PPP6R3: variants seen among roughly 807,000 people sequenced by gnomAD.
The protein encoded by PPP6R3 is protein phosphatase 6 regulatory subunit 3.
Under a neutral mutation model 110.7 loss-of-function variants are expected in PPP6R3, and 38 were observed. The observed-to-expected ratio is 0.34, with a 90% CI of 0.26 to 0.45. PPP6R3 has a LOEUF of 0.45. Ranked by LOEUF, PPP6R3 falls within the 20% of genes least tolerant of loss-of-function variation. The pLI is 1.00. For synonymous variants in PPP6R3, 369 were observed against 373.5 expected (o/e 0.99, Z 0.14); for missense variants, 870 against 1,062.4 (o/e 0.82, Z 2.52).
At chr11:68,482,222 CAA>C (rs35130397) in intron 1 of PPP6R3, among the ~76,000 whole-genome samples, 107 of 86,996 alleles carry the variant, frequency 1.2e-3, no homozygotes, top group African/African-American at 3.0e-3. Context: ...CCCATCTCTC[CAA>C]AAAAAAAAAA....
At chr11:68,563,907 C>CA (rs1323425356) in intron 8 of PPP6R3, among the ~76,000 whole-genome samples, 1 of 152,128 alleles carries the variant, frequency 6.6e-6, no homozygotes, top group Non-Finnish European at 1.5e-5. Context: ...CTGTATGGAA[C>CA]AAGTATAGGC....
chr11:68,569,822 A>G lies in PPP6R3; in HGVS notation c.1203A>G (p.Ala401=), dbSNP rs1371232924. 6.2e-7 allele frequency: 1 copy of G among 1,611,808 alleles called. No homozygotes were observed. The highest frequency in any genetic ancestry group is 1.7e-5 in the Admixed American group (1 of 59,946). Residue 401 remains alanine (A), a synonymous_variant, in exon 11 of 24, where the codon GCA becomes GCG. Transcript: ENST00000393800. ...QVEICIALIL[A]SPFENTENAT... ...AAATTTGTATTGCACTGATTCTTGC[A>G]AGTCCTTTTGAAAACACAGAAAATG...
chr11:68,500,972 T>C (rs953127803), intron 1 of PPP6R3, among the ~76,000 whole-genome samples: 7 of 152,204 alleles, frequency 4.6e-5, no homozygotes, highest in African/African-American at 1.4e-4. Flanking sequence ...TTTCTGTGTG[T>C]ACGGGAGGCC....
Position 68,460,772 on chromosome 11 carries a change from C to G in PPP6R3, c.-213C>G, listed in dbSNP as rs949072110. Reference sequence around the variant, plus strand: ...ATTTTGGGCGCTTCGCTGATGGTGTCGGTGAGCGCGTTTCCCGCCTGAGCG... The same window carrying G: ...ATTTTGGGCGCTTCGCTGATGGTGTGGGTGAGCGCGTTTCCCGCCTGAGCG... On this transcript the variant is annotated 5_prime_UTR_variant, in exon 1 of 24. Coordinates refer to ENST00000393800, the MANE Select transcript of PPP6R3 (RefSeq NM_001164161.2). The G allele has an allele frequency of 1.3e-5, 2 of 152,028 alleles. No homozygotes were observed. The highest frequency in any genetic ancestry group is 2.9e-5 in the Non-Finnish European group (2 of 68,072). The allele number at this position is 152,028 out of a possible 1,614,324, so 9.4% of individuals were successfully genotyped here.
chr11:68,529,044 G>A (rs1040713100), intron 2 of PPP6R3, among the ~76,000 whole-genome samples: 1 of 152,168 alleles, frequency 6.6e-6, no homozygotes, highest in Non-Finnish European at 1.5e-5. Flanking sequence ...GATGCTGTGA[G>A]GTCTGTTTTC....
intron 2 of PPP6R3, among the ~76,000 whole-genome samples, chr11:68,525,468 T>C (rs1245865008): frequency 6.6e-6 from 1 of 152,200 alleles, no homozygotes; most frequent in South Asian, 2.1e-4. Flanking sequence ...TTAATTTTTC[T>C]TGCACGTTAG....
At chr11:68,503,577 G>T (rs1356732752) in intron 1 of PPP6R3, among the ~76,000 whole-genome samples, 1 of 152,186 alleles carries the variant, frequency 6.6e-6, no homozygotes, top group Non-Finnish European at 1.5e-5. Flanking sequence ...AATGAGGAGC[G>T]TCTTCTGGGG....
intron 2 of PPP6R3, among the ~76,000 whole-genome samples, chr11:68,526,526 G>A (rs1372017036): frequency 1.3e-5 from 2 of 152,168 alleles, no homozygotes; most frequent in African/African-American, 4.8e-5. Flanking sequence ...GATTACAGAT[G>A]TGAGCCACTG....
At chr11:68,577,650 G>A (rs1329306491) in intron 14 of PPP6R3, among the ~76,000 whole-genome samples, 1 of 152,142 alleles carries the variant, frequency 6.6e-6, no homozygotes, top group East Asian at 1.9e-4. Context: ...TTACTGTATA[G>A]TATGCTGTCA....
intron 22 of PPP6R3, among the ~76,000 whole-genome samples, chr11:68,604,110 C>T (rs1282232837): frequency 3.9e-5 from 6 of 152,190 alleles, no homozygotes; most frequent in South Asian, 2.1e-4. Flanking sequence ...GAAGGAATGC[C>T]TCCCTGCTTA....
chr11:68,492,342 G>A (rs2098989358), intron 1 of PPP6R3, among the ~76,000 whole-genome samples: 2 of 151,890 alleles, frequency 1.3e-5, no homozygotes, highest in Admixed American at 1.3e-4. Flanking sequence ...TTTATTTTTT[G>A]AGGTCTTGCT....
intron 12 of PPP6R3, among the ~76,000 whole-genome samples, chr11:68,573,134 A>ATATATATATG (rs2099515593): frequency 9.1e-6 from 1 of 109,450 alleles, no homozygotes; most frequent in African/African-American, 3.9e-5. Context: ...ATATATATAT[A>ATATATATATG]TATATATATA....
chr11:68,463,569 T>G (rs2098723807), intron 1 of PPP6R3, among the ~76,000 whole-genome samples: 1 of 152,098 alleles, frequency 6.6e-6, no homozygotes, highest in African/African-American at 2.4e-5. Context: ...TTTACAGTAT[T>G]TTACTAAATA....
chr11:68,485,363 G>A (rs887881084), intron 1 of PPP6R3, among the ~76,000 whole-genome samples: 2 of 139,178 alleles, frequency 1.4e-5, no homozygotes, highest in African/African-American at 5.4e-5. Flanking sequence ...TTTCCAATCT[G>A]TATACTTTTT....
At chr11:68,564,497 T>C (rs775768690) in intron 9 of PPP6R3, 65 bp downstream of exon 9, 4 of 1,557,610 alleles carry the variant, frequency 2.6e-6, no homozygotes, top group East Asian at 2.3e-5. Flanking sequence ...CATTCGAATG[T>C]GTACGGGCCT....
intron 3 of PPP6R3, among the ~76,000 whole-genome samples, chr11:68,540,712 AC>A (rs780222100): frequency 3.9e-5 from 6 of 151,938 alleles, no homozygotes; most frequent in Non-Finnish European, 7.4e-5. Context: ...TTAGAGACCT[AC>A]CCCCAGGTGC....
chr11:68,519,333 T>G (rs1274307691), intron 1 of PPP6R3, among the ~76,000 whole-genome samples, 168 bp from the exon 2 acceptor site: 1 of 152,242 alleles, frequency 6.6e-6, no homozygotes, highest in African/African-American at 2.4e-5. Flanking sequence ...ACAGTGCTTT[T>G]TTTCTTATGT....
At chr11:68,516,852 T>G (rs2099139701) in intron 1 of PPP6R3, among the ~76,000 whole-genome samples, 1 of 152,174 alleles carries the variant, frequency 6.6e-6, no homozygotes, top group East Asian at 1.9e-4. Flanking sequence ...ACATCCTTAT[T>G]GACACTTATT....
intron 17 of PPP6R3, among the ~76,000 whole-genome samples, chr11:68,591,321 C>A (rs1818738000): frequency 6.6e-6 from 1 of 152,170 alleles, no homozygotes; most frequent in African/African-American, 2.4e-5. Context: ...TACAATGATG[C>A]TTTGATGAGA....
Sources: allele counts gnomAD v4.1 joint callset (sites outside exome capture counted in the v4.1 genomes callset), GRCh38; gene constraint gnomAD v4.1.1; transcripts MANE v1.5; gene names NCBI Gene and HGNC (gene_info 2026-07-23, HGNC 2026-07-21).